The following RPGRIP1L variants were observed in gnomAD, a reference collection of about 807,000 sequenced individuals.
The protein encoded by RPGRIP1L is protein fantom.
A neutral mutation model predicts 160.4 loss-of-function variants in RPGRIP1L; 131 were observed. The observed-to-expected ratio is 0.82, with a 90% CI of 0.71 to 0.94. The LOEUF is 0.94. Among genes scored for constraint, RPGRIP1L ranks in the 40% least tolerant of loss-of-function variants. The pLI is 0.00. For synonymous variants in RPGRIP1L, 510 were observed against 515.8 expected, an observed-to-expected ratio of 0.99 and a Z score of 0.15; for missense variants, 1,522 against 1,535.8, an observed-to-expected ratio of 0.99 and a Z score of 0.15.
intron 22 of RPGRIP1L, among the ~76,000 whole-genome samples, chr16:53,630,261 G>A (rs1965439140): frequency 6.6e-6 from 1 of 152,062 alleles, no homozygotes; most frequent in Non-Finnish European, 1.5e-5. Flanking sequence ...CATTGCCCAG[G>A]CTGGTCCTGA....
At chr16:53,604,928 G>A (rs551843418) in intron 26 of RPGRIP1L, among the ~76,000 whole-genome samples, 3 of 152,124 alleles carry the variant, frequency 2.0e-5, no homozygotes, top group South Asian at 2.1e-4. Flanking sequence ...CTGTAGTCCG[G>A]GCATTTTGGG....
In RPGRIP1L at chr16:53,645,883, G is replaced by C. The variant is rs370180090; in HGVS notation, c.2425C>G (p.Leu809Val). 3.8e-5 allele frequency: 62 copies of C among 1,614,016 alleles called. No homozygotes were observed. Among genetic ancestry groups the C allele is most frequent in the Admixed American group, 6.7e-5 (4 of 59,998 alleles). The change falls in exon 17 of 27, where the codon CTG becomes GTG. Residue 809 changes from leucine to valine, a missense_variant. Physicochemically the swap from Leu to Val is conservative, Grantham distance 32. Coordinates refer to ENST00000647211, the MANE Select transcript of RPGRIP1L (RefSeq NM_015272.5). The part of the protein sequence containing the change: ...CNHLQSRASH[L>V]QPHPYVVYKF... The stretch of plus-strand genomic sequence containing the variant: ...TACACAACATATGGGTGTGGCTGCA[G>C]GTGGCTTGCTCGGGACTGCAGGTGG...
intron 26 of RPGRIP1L, 37 bp from the exon 27 acceptor site, chr16:53,602,225 C>T: frequency 7.1e-7 from 1 of 1,409,116 alleles, no homozygotes; most frequent in Non-Finnish European, 1.0e-6. Flanking sequence ...TAATATCATT[C>T]AACAGATTTT....
In RPGRIP1L at chr16:53,610,998, T is replaced by C. The variant is rs778319575; in HGVS notation, c.3670A>G (p.Ile1224Val). 11 of 1,612,952 alleles carry C rather than the reference T, an allele frequency of 6.8e-6. No individual in the cohort carries two copies. Among genetic ancestry groups the C allele is most frequent in the Non-Finnish European group, 9.3e-6 (11 of 1,179,110 alleles). Residue 1224 changes from isoleucine to valine, a missense_variant, in exon 25 of 27, where the codon ATA becomes GTA. By Grantham distance (29) the Ile-to-Val change is conservative (BLOSUM62 3). Transcript: ENST00000647211. ...NKAKRDILKA[I>V]LQKQEMPNRS... is the part of the protein sequence containing the mutation. Reference sequence around the variant, plus strand: ...TTAGGCATCTCTTGTTTTTGTAGTATAGCTTTTAAGATGTCTCTCTTTGCT... The same window carrying C: ...TTAGGCATCTCTTGTTTTTGTAGTACAGCTTTTAAGATGTCTCTCTTTGCT...
At position 53,598,521 on chromosome 16, in the gene RPGRIP1L, T is replaced by C. The variant is rs569387476; in HGVS notation, c.*3555A>G. Reference sequence around the variant, plus strand: ...TGAAATGGAAGTGAAAATTCTACCTTGTAAGATAAAAGAGATTAGGATGAG... The same window carrying C: ...TGAAATGGAAGTGAAAATTCTACCTCGTAAGATAAAAGAGATTAGGATGAG... On this transcript the variant is annotated 3_prime_UTR_variant, in exon 27 of 27. Transcript: ENST00000647211. 4 of 152,336 alleles carry C rather than the reference T, an allele frequency of 2.6e-5. No homozygotes were observed. The highest frequency in any genetic ancestry group is 3.9e-4 in the East Asian group (2 of 5,192). The allele number at this position is 152,336 out of a possible 1,614,324, so 9.4% of individuals were successfully genotyped here. A position where few individuals can be genotyped will look rare whatever the true frequency, so the allele number is the denominator to read the frequency against.
intron 9 of RPGRIP1L, among the ~76,000 whole-genome samples, chr16:53,670,559 A>C (rs979916472): frequency 6.6e-6 from 1 of 152,156 alleles, no homozygotes; most frequent in Non-Finnish European, 1.5e-5. Flanking sequence ...TTCTAATACT[A>C]CCAGAAGGGA....
intron 11 of RPGRIP1L, 65 bp downstream of exon 11, chr16:53,658,706 TC>T (rs1598345234): frequency 1.8e-6 from 2 of 1,086,050 alleles, no homozygotes; most frequent in East Asian, 5.1e-5. Flanking sequence ...TATAGTGCTT[TC>T]TCTATGCATA....
At chr16:53,666,996 G>T (rs1480163945) in intron 9 of RPGRIP1L, among the ~76,000 whole-genome samples, 1 of 152,146 alleles carries the variant, frequency 6.6e-6, no homozygotes, top group African/African-American at 2.4e-5. Context: ...AGCCATCTGT[G>T]TAACTATAAA....
intron 10 of RPGRIP1L, 140 bp from the exon 11 acceptor site, chr16:53,659,018 C>T (rs568975703): frequency 4.3e-6 from 3 of 703,032 alleles, no homozygotes; most frequent in African/African-American, 1.8e-5. Context: ...GCTAGCACCT[C>T]GACAAAGACA....
intron 24 of RPGRIP1L, among the ~76,000 whole-genome samples, chr16:53,614,776 T>C (rs752237698): frequency 6.6e-6 from 1 of 152,344 alleles, no homozygotes; most frequent in African/African-American, 2.4e-5. Context: ...TTACCTTTCA[T>C]TCTCCTCAGA....
chr16:53,697,432 C>A (rs1970863867), intron 2 of RPGRIP1L, among the ~76,000 whole-genome samples: 1 of 152,108 alleles, frequency 6.6e-6, no homozygotes. Flanking sequence ...GACTGTGCTG[C>A]TGCCATCTCG....
At chr16:53,643,507 C>A (rs1030703819) in intron 17 of RPGRIP1L, among the ~76,000 whole-genome samples, 8 of 152,080 alleles carry the variant, frequency 5.3e-5, no homozygotes, top group Admixed American at 2.0e-4. Flanking sequence ...GTAGACTGAA[C>A]TTTGATTTGA....
intron 23 of RPGRIP1L, among the ~76,000 whole-genome samples, chr16:53,619,873 A>G (rs772741003): frequency 2.0e-5 from 3 of 152,152 alleles, no homozygotes; most frequent in Non-Finnish European, 4.4e-5. Context: ...TTTAATTTTC[A>G]CCTCAATCCT....
chr16:53,614,695 T>C (rs1964248462), intron 24 of RPGRIP1L, among the ~76,000 whole-genome samples: 1 of 152,144 alleles, frequency 6.6e-6, no homozygotes, highest in Admixed American at 6.6e-5. Flanking sequence ...TTTCAAAACT[T>C]GAAATACATC....
At chr16:53,685,915 G>A (rs1335297362) in intron 6 of RPGRIP1L, among the ~76,000 whole-genome samples, 2 of 152,170 alleles carry the variant, frequency 1.3e-5, no homozygotes, top group Non-Finnish European at 2.9e-5. Flanking sequence ...TAGATGAAAA[G>A]GCAGCAAGGA....
intron 9 of RPGRIP1L, among the ~76,000 whole-genome samples, chr16:53,667,161 A>G (rs147108241): frequency 9.7e-4 from 147 of 152,298 alleles, no homozygotes; most frequent in Non-Finnish European, 1.6e-3. Flanking sequence ...TAGTCTTTGT[A>G]CACATTTCAC....
At chr16:53,635,215 T>C (rs1470617584) in intron 22 of RPGRIP1L, among the ~76,000 whole-genome samples, 1 of 152,196 alleles carries the variant, frequency 6.6e-6, no homozygotes, top group Non-Finnish European at 1.5e-5. Context: ...TTAAGAGCAA[T>C]GTACAACTTC....
intron 5 of RPGRIP1L, among the ~76,000 whole-genome samples, chr16:53,687,587 C>T (rs1970107301): frequency 6.6e-6 from 1 of 152,066 alleles, no homozygotes; most frequent in Non-Finnish European, 1.5e-5. Context: ...AAATCTTACA[C>T]TATTCTAACT....
chr16:53,636,221 T>C (rs961749558), intron 22 of RPGRIP1L, among the ~76,000 whole-genome samples: 1 of 152,124 alleles, frequency 6.6e-6, no homozygotes, highest in African/African-American at 2.4e-5. Context: ...AGGTACTCTT[T>C]GTGAAAATAA....
Sources: allele counts gnomAD v4.1 joint callset (sites outside exome capture counted in the v4.1 genomes callset), GRCh38; gene constraint gnomAD v4.1.1; transcripts MANE v1.5; gene names NCBI Gene and HGNC (gene_info 2026-07-23, HGNC 2026-07-21).